The following ACSS3 variants were observed in gnomAD, a reference collection of about 807,000 sequenced individuals.
ACSS3 encodes acyl-CoA synthetase short-chain family member 3, mitochondrial.
A neutral mutation model predicts 84.2 loss-of-function variants in ACSS3; 64 were observed. The observed-to-expected ratio is 0.76, with a 90% CI of 0.62 to 0.94. The LOEUF is 0.94. Among genes scored for constraint, ACSS3 ranks in the 40% least tolerant of loss-of-function variants. The pLI, the probability that ACSS3 is intolerant of heterozygous loss-of-function variation, is 0.00. For missense variants in ACSS3, 815 were observed against 867.6 expected (o/e 0.94, Z 0.76); for synonymous variants, 317 against 310.1 (o/e 1.02, Z -0.23).
intron 7 of ACSS3, among the ~76,000 whole-genome samples, chr12:81,162,788 C>T (rs770436642): frequency 2.6e-5 from 4 of 152,172 alleles, no homozygotes; most frequent in Non-Finnish European, 4.4e-5. Flanking sequence ...TGCTCGTTGA[C>T]ACCCAGAGTT....
chr12:81,251,289 T>C (rs1231772322), intron 13 of ACSS3, among the ~76,000 whole-genome samples: 2 of 152,166 alleles, frequency 1.3e-5, no homozygotes, highest in Non-Finnish European at 2.9e-5. Flanking sequence ...TGCGTGATAC[T>C]ATAATGGTGG....
intron 3 of ACSS3, among the ~76,000 whole-genome samples, chr12:81,137,448 A>C (rs1433568568): frequency 6.6e-6 from 1 of 152,042 alleles, no homozygotes; most frequent in African/African-American, 2.4e-5. Context: ...TAAGGAGAGA[A>C]GATGGAGATA....
chr12:81,229,335 T>A (rs1254868329), intron 11 of ACSS3, among the ~76,000 whole-genome samples: 2 of 151,878 alleles, frequency 1.3e-5, no homozygotes, highest in Non-Finnish European at 2.9e-5. Flanking sequence ...ACTAATGTTA[T>A]CTCTCTTTGT....
intron 2 of ACSS3, among the ~76,000 whole-genome samples, chr12:81,110,254 C>A (rs553866547): frequency 2.0e-5 from 3 of 152,268 alleles, no homozygotes; most frequent in South Asian, 4.1e-4. Flanking sequence ...TTCCAAAATT[C>A]TTGACTATGC....
intron 9 of ACSS3, among the ~76,000 whole-genome samples, chr12:81,216,261 G>A (rs1321570760): frequency 1.3e-5 from 2 of 151,320 alleles, no homozygotes; most frequent in Non-Finnish European, 2.9e-5. Context: ...GAGAACACAT[G>A]GACACAGGAG....
intron 8 of ACSS3, among the ~76,000 whole-genome samples, chr12:81,190,619 A>G (rs1229219718): frequency 6.6e-6 from 1 of 151,974 alleles, no homozygotes; most frequent in Non-Finnish European, 1.5e-5. Context: ...TATTCCTAGG[A>G]TCCTCCAGTA....
intron 4 of ACSS3, among the ~76,000 whole-genome samples, chr12:81,142,636 G>A (rs1487453601): frequency 6.6e-6 from 1 of 152,146 alleles, no homozygotes; most frequent in Non-Finnish European, 1.5e-5. Context: ...AAAGGTAGCT[G>A]TGGTATTACT....
intron 13 of ACSS3, among the ~76,000 whole-genome samples, chr12:81,235,677 G>C: frequency 6.6e-6 from 1 of 151,204 alleles, no homozygotes. Context: ...GTACTTTCTA[G>C]CATACAGATT....
chr12:81,139,312 G>C (rs896290177), intron 4 of ACSS3, 47 bp downstream of exon 4: 2 of 1,591,900 alleles, frequency 1.3e-6, no homozygotes, highest in South Asian at 1.1e-5. Context: ...AATATGCTAA[G>C]AATGAGTTTA....
intron 8 of ACSS3, among the ~76,000 whole-genome samples, chr12:81,192,120 G>A (rs1375592874): frequency 6.6e-6 from 1 of 152,140 alleles, no homozygotes; most frequent in Non-Finnish European, 1.5e-5. Context: ...GGTGGCTCGT[G>A]CCTGTAATCC....
rs536647035 is a variant in ACSS3 at position 81,252,488 on chromosome 12, C to T, written c.1720-819C>T. Among the ~76,000 whole-genome samples, 4 of 152,150 alleles carry T rather than the reference C, an allele frequency of 2.6e-5. No homozygotes were observed. In the East Asian group the frequency reaches 7.7e-4, roughly 29 times the overall value. ...TGGTTAAAAGTTTGCTCACTGTTTT[C>T]TCTAGCTATTAGAGCTAGAGAGTCA... On this transcript the variant is annotated intron_variant, in intron 13 of 15. Coordinates refer to ENST00000548058, the MANE Select transcript of ACSS3 (RefSeq NM_024560.4).
intron 5 of ACSS3, among the ~76,000 whole-genome samples, chr12:81,144,777 G>C (rs1370426931): frequency 2.6e-5 from 4 of 151,934 alleles, no homozygotes. Flanking sequence ...AAGGTTTTCA[G>C]AAATTAAAAG....
intron 8 of ACSS3, among the ~76,000 whole-genome samples, chr12:81,187,649 C>T (rs1159105194): frequency 2.0e-5 from 3 of 151,612 alleles, no homozygotes; most frequent in African/African-American, 7.2e-5. Flanking sequence ...AATATAAACC[C>T]GTTTTGTGAA....
rs1194507942 is a variant in ACSS3 at position 81,078,414 on chromosome 12, C to T, written c.294C>T (p.His98=). 3.1e-6 allele frequency: 5 copies of T among 1,612,522 alleles called. No homozygotes were observed. Among genetic ancestry groups the T allele is most frequent in the Non-Finnish European group, 3.4e-6 (4 of 1,180,018 alleles). The change falls in exon 1 of 16, where the codon CAC becomes CAT. Residue 98 remains histidine, a synonymous_variant. Transcript: ENST00000548058. ...GGACCAAAACGCTGGAGAACAAACA[C>T]TCGCCCTCTACCAGGTGGTGAGTGA... ...KPWTKTLENK[H]SPSTRWFVEG... is the part of the protein sequence containing the mutation.
chr12:81,245,351 A>G (rs1340719981), intron 13 of ACSS3, among the ~76,000 whole-genome samples: 2 of 152,144 alleles, frequency 1.3e-5, no homozygotes, highest in Non-Finnish European at 2.9e-5. Context: ...AGTCCCAACT[A>G]CTCGGGAGGC....
intron 7 of ACSS3, among the ~76,000 whole-genome samples, chr12:81,160,282 T>C (rs1467001348): frequency 1.3e-5 from 2 of 152,246 alleles, no homozygotes; most frequent in Non-Finnish European, 1.5e-5. Context: ...ATGGTATACA[T>C]CACAGCAACA....
At chr12:81,215,222 A>G (rs758253467) in intron 9 of ACSS3, among the ~76,000 whole-genome samples, 8 of 152,008 alleles carry the variant, frequency 5.3e-5, no homozygotes, top group Non-Finnish European at 1.2e-4. Flanking sequence ...TTCATAAAAT[A>G]CCTTCCCCCC....
At chr12:81,094,949 C>T (rs779874592) in intron 1 of ACSS3, among the ~76,000 whole-genome samples, 2 of 152,114 alleles carry the variant, frequency 1.3e-5, no homozygotes, top group Non-Finnish European at 2.9e-5. Flanking sequence ...GCTGCTCTTT[C>T]TCTTTCTTCT....
intron 8 of ACSS3, among the ~76,000 whole-genome samples, chr12:81,184,776 A>G (rs2135853275): frequency 6.6e-6 from 1 of 151,874 alleles, no homozygotes; most frequent in Middle Eastern, 3.4e-3. Context: ...GCCCAAAACC[A>G]GATGATTTTA....
Sources: allele counts gnomAD v4.1 joint callset (sites outside exome capture counted in the v4.1 genomes callset), GRCh38; gene constraint gnomAD v4.1.1; transcripts MANE v1.5; gene names NCBI Gene and HGNC (gene_info 2026-07-23, HGNC 2026-07-21).